Variants in CFAP47 observed in about 807,000 individuals in gnomAD.
The protein encoded by CFAP47 is cilia and flagella associated protein 47, also known as cilia- and flagella-associated protein 47.
Under a neutral mutation model 148.1 loss-of-function variants are expected in CFAP47, and 29 were observed. That is an observed-to-expected ratio of 0.20 (90% confidence interval 0.15 to 0.27). CFAP47 has a LOEUF of 0.27. Ranked by LOEUF, CFAP47 falls within the 10% of genes least tolerant of loss-of-function variation. CFAP47 has a pLI of 1.00. For synonymous variants in CFAP47, 664 were observed against 577.3 expected (o/e 1.15, Z -2.15); for missense variants, 1,872 against 1,697.5 (o/e 1.10, Z -1.81).
At chrX:36,092,787 GA>G (rs1440812865) in intron 30 of CFAP47, among the ~76,000 whole-genome samples, 1 of 109,956 alleles carries the variant, frequency 9.1e-6, no homozygotes, top group Non-Finnish European at 1.9e-5. Flanking sequence ...ATTTTAAAAT[GA>G]AAAATTAAAT....
At chrX:35,925,026 G>A (rs1411847486) in intron 1 of CFAP47, among the ~76,000 whole-genome samples, 1 of 111,512 alleles carries the variant, frequency 9.0e-6, no homozygotes, top group Non-Finnish European at 1.9e-5. Context: ...AGTTAAACAG[G>A]AAGAATGAGT....
intron 46 of CFAP47, among the ~76,000 whole-genome samples, chrX:36,232,367 T>C (rs1311105629): frequency 3.6e-5 from 4 of 112,120 alleles, no homozygotes; most frequent in African/African-American, 1.3e-4. Flanking sequence ...AAGGAATTTA[T>C]CCATTTCTTC....
Position 36,228,455 on chromosome X carries a change from T to C in CFAP47, c.6818-173T>C, listed in dbSNP as rs189827680. Among the ~76,000 whole-genome samples, 413 of 111,226 alleles carry C rather than the reference T, an allele frequency of 3.7e-3. 1 individual carries two copies. The highest frequency in any genetic ancestry group is 0.013 in the African/African-American group (400 of 30,655). ...AGTGCAGTATATATACTCTAATTGA[T>C]AAATAAGCTTGCATGGTAAGCCCTG... On this transcript the variant is annotated intron_variant, in intron 45 of 63. Coordinates refer to ENST00000378653, the MANE Select transcript of CFAP47 (RefSeq NM_001304548.2).
At chrX:36,348,913 T>C (rs1941720235) in intron 58 of CFAP47, among the ~76,000 whole-genome samples, 1 of 111,963 alleles carries the variant, frequency 8.9e-6, no homozygotes, top group Non-Finnish European at 1.9e-5. Flanking sequence ...AAATTTTTAC[T>C]TTGTCCTACA....
At chrX:35,948,179 G>C (rs914452357) in intron 3 of CFAP47, 135 bp from the exon 4 acceptor site, 4 of 487,576 alleles carry the variant, frequency 8.2e-6, no homozygotes, top group Admixed American at 6.9e-5. Context: ...AAGCCGTCCT[G>C]GGCTGCATGT....
At chrX:36,157,017 A>G (rs1939375595) in intron 37 of CFAP47, among the ~76,000 whole-genome samples, 1 of 110,051 alleles carries the variant, frequency 9.1e-6, no homozygotes, top group African/African-American at 3.3e-5. Flanking sequence ...ATCAGCTTCC[A>G]TCGAGATCCA....
chrX:36,039,304 C>T (rs1037799097), intron 25 of CFAP47, 125 bp downstream of exon 25: 1 of 338,751 alleles, frequency 3.0e-6, no homozygotes, highest in Non-Finnish European at 4.9e-6. Flanking sequence ...AAATATTTAA[C>T]CATACATTAA....
intron 35 of CFAP47, among the ~76,000 whole-genome samples, chrX:36,139,910 A>AT (rs201592531): frequency 4.2e-4 from 46 of 108,860 alleles, no homozygotes; most frequent in African/African-American, 1.1e-3. Flanking sequence ...CTTTTCATTT[A>AT]TTTTTTTTTG....
At chrX:36,190,904 C>A (rs1351126101) in intron 42 of CFAP47, among the ~76,000 whole-genome samples, 1 of 111,322 alleles carries the variant, frequency 9.0e-6, no homozygotes, top group African/African-American at 3.3e-5. Flanking sequence ...AAATTTATAA[C>A]CCCCAGGATG....
chrX:36,086,938 G>A (rs1229002033), intron 30 of CFAP47, among the ~76,000 whole-genome samples: 1 of 111,356 alleles, frequency 9.0e-6, no homozygotes, highest in Non-Finnish European at 1.9e-5. Flanking sequence ...GAGACCTCTT[G>A]GTCCTTGACG....
chrX:35,943,265 G>T (rs1031364687), intron 3 of CFAP47, among the ~76,000 whole-genome samples: 1 of 111,776 alleles, frequency 8.9e-6, no homozygotes, highest in African/African-American at 3.2e-5. Flanking sequence ...TTTATATGGT[G>T]AATTTTTTGT....
At chrX:36,025,224 C>A (rs978597210) in intron 22 of CFAP47, among the ~76,000 whole-genome samples, 2 of 110,659 alleles carry the variant, frequency 1.8e-5, no homozygotes, top group African/African-American at 6.6e-5. Flanking sequence ...TTTATTATTT[C>A]TAAAGTGCAT....
At chrX:36,195,814 C>T (rs2146879109) in intron 42 of CFAP47, among the ~76,000 whole-genome samples, 1 of 111,357 alleles carries the variant, frequency 9.0e-6, no homozygotes, top group South Asian at 3.7e-4. Context: ...AAATTGGTGA[C>T]ACATTTGAGT....
rs1425650443 is a variant in CFAP47 at position 36,060,734 on chromosome X, A to G, written c.4218-4909A>G. Among the ~76,000 whole-genome samples the G allele has an allele frequency of 3.6e-5, 4 of 111,297 alleles. No homozygotes were observed. The Admixed American group carries it at 3.9e-4, about 11-fold the overall frequency. ...ACCTAAAGTCTATTTTAGGGCACGA[A>G]ATTGGTTCATAGCACATATTTTCTA... On this transcript the variant is annotated intron_variant, in intron 26 of 63. Coordinates refer to ENST00000378653, the MANE Select transcript of CFAP47 (RefSeq NM_001304548.2).
chrX:36,181,780 CT>C lies in CFAP47; in HGVS notation c.6104+2359del, dbSNP rs1939753170. ...ACTACGGATTTACTCATGTGTACCC[CT>C]GTGAAGACTGTCTCCTAAATCAAAG... On this transcript the variant is annotated intron_variant, in intron 40 of 63. Transcript: ENST00000378653. 2.7e-5 allele frequency among the ~76,000 whole-genome samples: 3 copies of C among 111,686 alleles called. No individual in the cohort carries two copies. The Admixed American group carries it at 2.9e-4, about 11-fold the overall frequency.
chrX:36,000,230 A>G, intron 19 of CFAP47, 53 bp from the exon 20 acceptor site: 1 of 279,252 alleles, frequency 3.6e-6, no homozygotes, highest in South Asian at 2.2e-4. Flanking sequence ...GTTTTAGTTT[A>G]CATTTTCATA....
chrX:36,066,824 C>A (rs926417709), intron 27 of CFAP47, among the ~76,000 whole-genome samples: 4 of 111,621 alleles, frequency 3.6e-5, no homozygotes, highest in African/African-American at 1.3e-4. Flanking sequence ...CTTATTAATT[C>A]TTTCCAAATC....
chrX:35,937,634 C>A (rs1415599047), intron 2 of CFAP47, among the ~76,000 whole-genome samples: 3 of 110,562 alleles, frequency 2.7e-5, no homozygotes, highest in African/African-American at 9.9e-5. Flanking sequence ...TTGTAAAATT[C>A]TTGAGGTCCA....
chrX:36,134,310 A>T (rs1382848703), intron 33 of CFAP47, among the ~76,000 whole-genome samples: 1 of 111,241 alleles, frequency 9.0e-6, no homozygotes, highest in African/African-American at 3.3e-5. Context: ...CAGTAAGTTG[A>T]CTCTAAAATA....
Sources: allele counts gnomAD v4.1 joint callset (sites outside exome capture counted in the v4.1 genomes callset), GRCh38; gene constraint gnomAD v4.1.1; transcripts MANE v1.5; gene names NCBI Gene and HGNC (gene_info 2026-07-23, HGNC 2026-07-21).